The following MET variants were observed in gnomAD, a reference collection of about 807,000 sequenced individuals.
MET encodes the protein hepatocyte growth factor receptor.
Under a neutral mutation model 133.1 loss-of-function variants are expected in MET, and 48 were observed. The ratio of observed to expected loss-of-function variants is 0.36; its 90% CI spans 0.29 to 0.46. The LOEUF (loss-of-function observed/expected upper bound fraction) is 0.46. Ranked by LOEUF, MET falls within the 20% of genes least tolerant of loss-of-function variation. The pLI is 1.00. For missense variants in MET, 1,442 were observed against 1,695.9 expected, an observed-to-expected ratio of 0.85 and a Z score of 2.63; for synonymous variants, 628 against 616.5, an observed-to-expected ratio of 1.02 and a Z score of -0.28.
In MET at chr7:116,769,793, T is replaced by C; in HGVS notation, c.2730+2T>C. On this transcript the variant is annotated splice_donor_variant, in intron 12 of 20. Coordinates refer to ENST00000397752, the MANE Select transcript of MET (RefSeq NM_000245.4). LOFTEE classifies it high-confidence loss of function. The stretch of plus-strand genomic sequence containing the variant: ...TTGAACAGCGAGCTAAATATAGAGG[T>C]GGGATTCCTGCATTCCTCTCATGAT... The C allele has an allele frequency of 6.2e-7, 1 of 1,611,074 alleles. No homozygotes were observed. The highest frequency in any genetic ancestry group is 8.5e-7 in the Non-Finnish European group (1 of 1,177,722).
intron 2 of MET, among the ~76,000 whole-genome samples, chr7:116,721,990 G>A (rs1792508954): frequency 6.6e-6 from 1 of 150,682 alleles, no homozygotes; most frequent in Non-Finnish European, 1.5e-5. Context: ...TTCTGTAGAT[G>A]TCTATTAGGT....
intron 5 of MET, among the ~76,000 whole-genome samples, chr7:116,744,399 G>C (rs1319799684): frequency 6.6e-6 from 1 of 152,052 alleles, no homozygotes; most frequent in Non-Finnish European, 1.5e-5. Context: ...GCATACACAA[G>C]TATCAATAGC....
intron 11 of MET, among the ~76,000 whole-genome samples, chr7:116,767,995 T>A (rs1235911682): frequency 1.3e-5 from 2 of 150,702 alleles, no homozygotes; most frequent in African/African-American, 2.4e-5. Flanking sequence ...TGTGTGTGTG[T>A]GTGTGTGTGT....
chr7:116,785,830 G>T (rs1212444700), intron 19 of MET, among the ~76,000 whole-genome samples: 3 of 152,182 alleles, frequency 2.0e-5, no homozygotes, highest in Admixed American at 2.0e-4. Flanking sequence ...AAAGATATAT[G>T]CTCATGCAAT....
At position 116,775,014 on chromosome 7, in the gene MET, C is replaced by A. The variant is rs1166344170; in HGVS notation, c.3162C>A (p.Asp1054Glu). The A allele has an allele frequency of 3.1e-6, 5 of 1,614,210 alleles. No homozygotes were observed. The highest frequency in any genetic ancestry group is 4.2e-6 in the Non-Finnish European group (5 of 1,180,028). The change falls in exon 15 of 21, where the codon GAC (aspartate) becomes GAA (glutamate). Residue 1054 changes from aspartate to glutamate, a missense_variant. By Grantham distance (45) the Asp-to-Glu change is conservative. This residue lies in a region of MET where 514 missense variants were observed against 659.6 expected (regional missense o/e 0.78). Coordinates refer to ENST00000397752, the MANE Select transcript of MET (RefSeq NM_000245.4). ...TACTGCAAAATACTGTCCACATTGACCTCAGTGCTCTAAATCCAGAGCTGG... is the reference window on the plus strand; with the variant it reads ...TACTGCAAAATACTGTCCACATTGAACTCAGTGCTCTAAATCCAGAGCTGG... ...SPLLQNTVHI[D>E]LSALNPELVQ... is the part of the protein sequence containing the mutation.
chr7:116,714,745 G>GCACACACACA (rs142954535), intron 2 of MET, among the ~76,000 whole-genome samples: 29 of 145,020 alleles, frequency 2.0e-4, no homozygotes, highest in Non-Finnish European at 3.3e-4. Context: ...TCACATGCAC[G>GCACACACACA]CACACACACA....
rs2116954969 is a variant in MET at position 116,763,118 on chromosome 7, G to A, written c.2433G>A (p.Leu811=). ...CTCCTTCCCTGCAACAGCTGAATCT[G>A]CAACTCCCCCTGAAAACCAAAGCCT... ...CTTPSLQQLN[L]QLPLKTKAFF... is the part of the protein sequence containing the mutation. The change falls in exon 11 of 21, where the codon CTG becomes CTA. Residue 811 remains leucine (L), a synonymous_variant. Transcript: ENST00000397752. The A allele has an allele frequency of 6.2e-7, 1 of 1,614,054 alleles. No individual in the cohort carries two copies. The highest frequency in any genetic ancestry group is 2.2e-5 in the East Asian group (1 of 44,862).
intron 1 of MET, among the ~76,000 whole-genome samples, chr7:116,692,476 G>A (rs964908511): frequency 1.3e-5 from 2 of 152,182 alleles, no homozygotes; most frequent in Non-Finnish European, 2.9e-5. Flanking sequence ...TTTTTATGAT[G>A]AGGACAGTCA....
chr7:116,762,411 T>C (rs1044673640), intron 10 of MET, among the ~76,000 whole-genome samples: 1 of 152,140 alleles, frequency 6.6e-6, no homozygotes, highest in East Asian at 1.9e-4. Context: ...ATCAGGAGAA[T>C]TAAATGAGAC....
Position 116,699,504 on chromosome 7 carries a change from C to T in MET, c.420C>T (p.Thr140=), listed in dbSNP as rs1791479941. The change falls in exon 2 of 21, where the codon ACC becomes ACT. Residue 140 remains threonine, a synonymous_variant. Coordinates refer to ENST00000397752, the MANE Select transcript of MET (RefSeq NM_000245.4). ...LISCGSVNRG[T]CQRHVFPHNH... ...GCTGTGGCAGCGTCAACAGAGGGAC[C>T]TGCCAGCGACATGTCTTTCCCCACA... 1 of 1,614,008 alleles carries T rather than the reference C, an allele frequency of 6.2e-7. No homozygotes were observed. Among genetic ancestry groups the T allele is most frequent in the East Asian group, 2.2e-5 (1 of 44,876 alleles).
chr7:116,783,830 C>T (rs1409226578), intron 19 of MET, among the ~76,000 whole-genome samples: 19 of 152,302 alleles, frequency 1.2e-4, no homozygotes, highest in Non-Finnish European at 7.4e-5. Context: ...CCCAGGCGAG[C>T]AAGAATTCCA....
intron 3 of MET, among the ~76,000 whole-genome samples, chr7:116,737,680 T>C (rs555736917): frequency 6.6e-6 from 1 of 152,316 alleles, no homozygotes; most frequent in East Asian, 1.9e-4. Flanking sequence ...TGTGACTCAG[T>C]TTCCTGTTAT....
chr7:116,697,117 T>C (rs984720689), intron 1 of MET, among the ~76,000 whole-genome samples: 3 of 152,202 alleles, frequency 2.0e-5, no homozygotes, highest in Non-Finnish European at 4.4e-5. Context: ...ACCATTCCCA[T>C]ATATTCAGCC....
intron 3 of MET, among the ~76,000 whole-genome samples, chr7:116,738,414 T>A (rs1406345426): frequency 2.0e-5 from 3 of 152,172 alleles, no homozygotes; most frequent in Admixed American, 2.0e-4. Context: ...GGACTGGTAA[T>A]TGAATTTCTG....
chr7:116,786,661 C>T (rs922827882), intron 19 of MET, among the ~76,000 whole-genome samples: 1 of 152,172 alleles, frequency 6.6e-6, no homozygotes, highest in Non-Finnish European at 1.5e-5. Flanking sequence ...GGAGAGTACA[C>T]TTATTCTATT....
chr7:116,755,400 A>T lies in MET; in HGVS notation c.1747A>T (p.Ile583Leu), dbSNP rs1289697844. The T allele has an allele frequency of 6.2e-7, 1 of 1,614,148 alleles. No individual in the cohort carries two copies. Among genetic ancestry groups the T allele is most frequent in the East Asian group, 2.2e-5 (1 of 44,872 alleles). Residue 583 changes from isoleucine to leucine, a missense_variant, in exon 6 of 21, where the codon ATA becomes TTA. Transcript: ENST00000397752. ...APLEGGTRLTICGWDFGFRRN... is the reference protein window; with the variant it reads ...APLEGGTRLTLCGWDFGFRRN... ...CCTTGAAGGAGGGACAAGGCTGACC[A>T]TATGTGGCTGGGACTTTGGATTTCG...
chr7:116,700,276 T>C lies in MET; in HGVS notation c.1192T>C (p.Phe398Leu), dbSNP rs771908927. The C allele has an allele frequency of 6.2e-7, 1 of 1,602,694 alleles. No homozygotes were observed. Residue 398 changes from phenylalanine (F) to leucine (L), a missense_variant, in exon 2 of 21, where the codon TTT becomes CTT. Phe to Leu is a conservative substitution (Grantham distance 22). Coordinates refer to ENST00000397752, the MANE Select transcript of MET (RefSeq NM_000245.4). ...HFYGPNHEHC[F>L]NRTLLRNSSG... ...TTACGGACCCAATCATGAGCACTGC[T>C]TTAATAGGGTAAGTCACATCAGTTC...
chr7:116,777,170 A>G (rs1047448835), intron 15 of MET, among the ~76,000 whole-genome samples: 1 of 152,216 alleles, frequency 6.6e-6, no homozygotes, highest in East Asian at 1.9e-4. Context: ...TTAAATAATC[A>G]CATTGCTTAT....
chr7:116,746,983 A>G (rs1013543871), intron 5 of MET, among the ~76,000 whole-genome samples: 1 of 152,180 alleles, frequency 6.6e-6, no homozygotes. Context: ...GGGGGCCAAT[A>G]TTCAACATTC....
Sources: allele counts gnomAD v4.1 joint callset (sites outside exome capture counted in the v4.1 genomes callset), GRCh38; gene constraint gnomAD v4.1.1; regional missense constraint gnomAD v4.1.1; transcripts MANE v1.5; gene names NCBI Gene and HGNC (gene_info 2026-07-23, HGNC 2026-07-21).